The following PRKG1 variants were observed in gnomAD, a reference collection of about 807,000 sequenced individuals.
The protein encoded by PRKG1 is cGMP-dependent protein kinase 1.
Under a neutral mutation model 88.1 loss-of-function variants are expected in PRKG1, and 35 were observed. The ratio of observed to expected loss-of-function variants is 0.40; its 90% CI spans 0.30 to 0.53. The LOEUF is 0.53. PRKG1 is among the 20% of genes least tolerant of loss of function. The probability of loss-of-function intolerance (pLI) is 0.59; values close to 1 mark genes in which losing one functional copy is unlikely to be tolerated. For missense variants in PRKG1, 540 were observed against 839.8 expected (o/e 0.64, Z 4.41); for synonymous variants, 303 against 292.5 (o/e 1.04, Z -0.37).
chr10:52,047,756 G>A (rs1191248471), intron 5 of PRKG1, among the ~76,000 whole-genome samples: 3 of 152,212 alleles, frequency 2.0e-5, no homozygotes, highest in Non-Finnish European at 4.4e-5. Flanking sequence ...TGGGATATTA[G>A]GGAGAGGTAA....
chr10:51,966,900 T>G (rs1179062617), intron 5 of PRKG1, among the ~76,000 whole-genome samples: 1 of 152,028 alleles, frequency 6.6e-6, no homozygotes, highest in East Asian at 1.9e-4. Context: ...CATTAAAAAG[T>G]CAGGAAACAA....
At chr10:51,675,749 T>C (rs1404580267) in intron 3 of PRKG1, among the ~76,000 whole-genome samples, 1 of 152,220 alleles carries the variant, frequency 6.6e-6, no homozygotes, top group Non-Finnish European at 1.5e-5. Flanking sequence ...AAGTTGTTTT[T>C]CCTGGGGCCC....
intron 3 of PRKG1, among the ~76,000 whole-genome samples, chr10:51,693,600 C>T (rs1270423665): frequency 6.6e-6 from 1 of 151,986 alleles, no homozygotes; most frequent in Non-Finnish European, 1.5e-5. Context: ...TGGGGTTTCA[C>T]CACATTGGCC....
intron 5 of PRKG1, among the ~76,000 whole-genome samples, chr10:51,960,979 A>T (rs553571063): frequency 2.0e-5 from 3 of 152,148 alleles, no homozygotes; most frequent in Non-Finnish European, 2.9e-5. Flanking sequence ...AGCTCATTTG[A>T]TATGTGTTCT....
At chr10:51,491,070 G>A (rs145495552) in intron 3 of PRKG1, among the ~76,000 whole-genome samples, 5 of 152,082 alleles carry the variant, frequency 3.3e-5, no homozygotes, top group Admixed American at 6.6e-5. Context: ...TCATGTTGGC[G>A]TGCTTCTGCC....
intron 7 of PRKG1, among the ~76,000 whole-genome samples, chr10:52,095,871 CT>C (rs1223072637): frequency 3.3e-5 from 5 of 152,164 alleles, no homozygotes; most frequent in African/African-American, 1.2e-4. Context: ...AATGTACTTT[CT>C]AACTAGTGAT....
chr10:51,127,724 A>G (rs1163370448), intron 1 of PRKG1, among the ~76,000 whole-genome samples: 3 of 152,206 alleles, frequency 2.0e-5, no homozygotes, highest in African/African-American at 7.2e-5. Context: ...CCCACCAAGG[A>G]TAGACTGGAT....
chr10:52,115,140 G>C, intron 7 of PRKG1, among the ~76,000 whole-genome samples: 1 of 151,852 alleles, frequency 6.6e-6, no homozygotes, highest in South Asian at 2.1e-4. Flanking sequence ...AGGATTTAGG[G>C]GTTTTTCTAG....
chr10:52,097,847 C>T (rs1264486113), intron 7 of PRKG1, among the ~76,000 whole-genome samples: 2 of 151,660 alleles, frequency 1.3e-5, no homozygotes, highest in Non-Finnish European at 2.9e-5. Context: ...TGAATCATTA[C>T]CATTAATTTC....
chr10:51,641,942 G>T (rs1589154428), intron 3 of PRKG1, among the ~76,000 whole-genome samples: 1 of 152,044 alleles, frequency 6.6e-6, no homozygotes, highest in Non-Finnish European at 1.5e-5. Flanking sequence ...TGAAGAAAAG[G>T]CTTACTTTTT....
intron 3 of PRKG1, among the ~76,000 whole-genome samples, chr10:51,687,993 A>G (rs1037323762): frequency 2.0e-5 from 3 of 151,958 alleles, no homozygotes; most frequent in Non-Finnish European, 2.9e-5. Context: ...GCTATCTCCT[A>G]TTTTCCTCAG....
intron 5 of PRKG1, among the ~76,000 whole-genome samples, chr10:52,048,635 T>C (rs904109023): frequency 1.3e-5 from 2 of 152,136 alleles, no homozygotes; most frequent in Non-Finnish European, 2.9e-5. Flanking sequence ...TAATGTTGAA[T>C]TCTGAGAACG....
intron 7 of PRKG1, among the ~76,000 whole-genome samples, chr10:52,118,393 T>C (rs951617567): frequency 6.6e-6 from 1 of 152,006 alleles, no homozygotes; most frequent in Admixed American, 6.5e-5. Context: ...AGGAAACTTT[T>C]AATGCATACA....
intron 14 of PRKG1, 79 bp from the exon 15 acceptor site, chr10:52,288,647 T>C: frequency 7.1e-7 from 1 of 1,400,880 alleles, no homozygotes; most frequent in Non-Finnish European, 9.6e-7. Flanking sequence ...TGATGTCATC[T>C]GTGGAGTTTA....
chr10:51,039,846 G>A (rs1345362555), intron 1 of PRKG1, among the ~76,000 whole-genome samples: 2 of 152,100 alleles, frequency 1.3e-5, no homozygotes, highest in African/African-American at 2.4e-5. Flanking sequence ...TAAAGAGATT[G>A]TTCTTCCATG....
At chr10:51,591,644 G>A (rs189166285) in intron 3 of PRKG1, among the ~76,000 whole-genome samples, 1 of 152,260 alleles carries the variant, frequency 6.6e-6, no homozygotes, top group African/African-American at 2.4e-5. Context: ...CTGGAATGAA[G>A]GCTGTGGGGG....
chr10:52,182,575 G>A (rs1221713758), intron 9 of PRKG1, among the ~76,000 whole-genome samples: 4 of 131,198 alleles, frequency 3.0e-5, no homozygotes, highest in Non-Finnish European at 3.2e-5. Flanking sequence ...TAGGTCTAAC[G>A]TTTAAATCTT....
At chr10:51,873,136 CTTCT>C (rs1259865946) in intron 4 of PRKG1, among the ~76,000 whole-genome samples, 4 of 151,968 alleles carry the variant, frequency 2.6e-5, no homozygotes, top group Non-Finnish European at 5.9e-5. Flanking sequence ...AGATCCAGTC[CTTCT>C]TTCTGTCTTA....
rs1404716342 is a variant in PRKG1, at chr10:51,334,186, CT to C, written c.479-133536del. Among the ~76,000 whole-genome samples, 133 of 127,592 alleles carry C rather than the reference CT, an allele frequency of 1.0e-3. 1 individual carries two copies. Among genetic ancestry groups the C allele is most frequent in the Middle Eastern group, 8.5e-3 (2 of 236 alleles). 83.7% of individuals were successfully genotyped at this position (127,592 alleles called of 152,430 possible). On this transcript the variant is annotated intron_variant, in intron 2 of 17. Transcript: ENST00000373980. ...TCTCTCTCTCTCTCTCTCTCTCTCT[CT>C]CTCTCACTCACACACACATACAAAC...
Sources: gnomAD v4.1 joint callset for allele counts (sites outside exome capture counted in the v4.1 genomes callset) on GRCh38, gnomAD v4.1.1 for gene constraint, MANE v1.5 for transcripts, NCBI Gene and HGNC (gene_info 2026-07-23, HGNC 2026-07-21) for gene names.